FASTKD2: variants seen among roughly 807,000 people sequenced by gnomAD.
FASTKD2 encodes the protein FAST kinase domain-containing protein 2, mitochondrial.
Under a neutral mutation model 63.6 loss-of-function variants are expected in FASTKD2, and 51 were observed. The ratio of observed to expected loss-of-function variants is 0.80; its 90% CI spans 0.64 to 1.01. The LOEUF is 1.01. Ranked by LOEUF, FASTKD2 falls within the 50% of genes least tolerant of loss-of-function variation. FASTKD2 has a pLI of 0.00. For synonymous variants in FASTKD2, 284 were observed against 293.4 expected (o/e 0.97, Z 0.33); for missense variants, 786 against 831.1 (o/e 0.95, Z 0.67).
intron 5 of FASTKD2, 51 bp downstream of exon 5, chr2:206,772,068 G>T: frequency 2.5e-6 from 4 of 1,607,408 alleles, no homozygotes; most frequent in Non-Finnish European, 3.4e-6. Flanking sequence ...TTCTGTTTTA[G>T]ACTATTTTTG....
chr2:206,766,583 A>T (rs1030582122), intron 1 of FASTKD2, 61 bp from the exon 2 acceptor site: 12 of 960,638 alleles, frequency 1.2e-5, no homozygotes, highest in Non-Finnish European at 1.8e-5. Context: ...AATGCATTTC[A>T]TTTCTTTAAG....
chr2:206,767,766 TGAA>T (rs1689565975), intron 2 of FASTKD2, among the ~76,000 whole-genome samples: 3 of 152,146 alleles, frequency 2.0e-5, no homozygotes, highest in South Asian at 4.1e-4. Context: ...CCTGGGTAGT[TGAA>T]GAAGGAGAGA....
intron 7 of FASTKD2, among the ~76,000 whole-genome samples, chr2:206,778,523 A>G (rs1480469666): frequency 6.6e-6 from 1 of 152,080 alleles, no homozygotes; most frequent in East Asian, 1.9e-4. Flanking sequence ...GTCTGATTTC[A>G]GTTTTCCTAA....
intron 2 of FASTKD2, among the ~76,000 whole-genome samples, chr2:206,769,010 G>A (rs910257380): frequency 2.6e-5 from 4 of 152,206 alleles, no homozygotes; most frequent in African/African-American, 7.2e-5. Flanking sequence ...ATTTTGGACA[G>A]ATATTTGCAT....
At chr2:206,766,608 T>C in intron 1 of FASTKD2, 36 bp from the exon 2 acceptor site, 1 of 1,204,234 alleles carries the variant, frequency 8.3e-7, no homozygotes, top group Non-Finnish European at 1.2e-6. Context: ...AGTTTTGTTT[T>C]AATTTTTATT....
intron 7 of FASTKD2, 127 bp downstream of exon 7, chr2:206,774,524 A>T: frequency 1.5e-6 from 1 of 675,982 alleles, no homozygotes; most frequent in Non-Finnish European, 2.5e-6. Context: ...AATAAATAAA[A>T]CATAGTGTTC....
intron 11 of FASTKD2, chr2:206,790,940 G>C: frequency 2.4e-6 from 1 of 416,730 alleles, no homozygotes; most frequent in African/African-American, 2.0e-5. Flanking sequence ...TTTTTGCTAA[G>C]AAGAAGAATG....
intron 7 of FASTKD2, among the ~76,000 whole-genome samples, chr2:206,780,325 T>C (rs1200920431): frequency 1.3e-5 from 2 of 152,218 alleles, no homozygotes; most frequent in African/African-American, 4.8e-5. Flanking sequence ...TTCGTTTGTT[T>C]GGGAGTCTTG....
intron 3 of FASTKD2, among the ~76,000 whole-genome samples, chr2:206,770,603 G>A (rs1295380397): frequency 1.3e-5 from 2 of 151,934 alleles, no homozygotes; most frequent in Non-Finnish European, 2.9e-5. Flanking sequence ...GGTGGTGGGT[G>A]CCTGTAGTCC....
chr2:206,774,706 A>T (rs1017118344), intron 7 of FASTKD2, among the ~76,000 whole-genome samples: 6 of 152,096 alleles, frequency 3.9e-5, no homozygotes, highest in Non-Finnish European at 5.9e-5. Flanking sequence ...TAACTGTATT[A>T]AAAAATGGAG....
intron 7 of FASTKD2, among the ~76,000 whole-genome samples, chr2:206,785,706 T>G (rs1205008473): frequency 6.6e-6 from 1 of 152,196 alleles, no homozygotes; most frequent in Non-Finnish European, 1.5e-5. Flanking sequence ...GCCTTGCTAT[T>G]GCGTATATGA....
At position 206,791,723 on chromosome 2, in the gene FASTKD2, C is replaced by T; in HGVS notation, c.2054C>T (p.Ala685Val). 2 of 1,610,702 alleles carry T rather than the reference C, an allele frequency of 1.2e-6. No individual in the cohort carries two copies. Among genetic ancestry groups the T allele is most frequent in the Non-Finnish European group, 1.7e-6 (2 of 1,177,180 alleles). The change falls in exon 12 of 12, where the codon GCA becomes GTA. Residue 685 changes from alanine (A) to valine (V), a missense_variant. Physicochemically the swap from Ala to Val is moderately conservative, Grantham distance 64. Transcript: ENST00000402774. Reference protein sequence around the residue: ...WEMDKLEMEDAVTFLKTKIYS... With the variant: ...WEMDKLEMEDVVTFLKTKIYS... ...ATGGACAAACTAGAGATGGAAGATG[C>T]AGTCACATTTTTGAAGACTAAAATC...
intron 3 of FASTKD2, 151 bp downstream of exon 3, chr2:206,770,345 A>G (rs1432126749): frequency 1.5e-6 from 1 of 687,920 alleles, no homozygotes; most frequent in Non-Finnish European, 2.7e-6. Context: ...ATACCTTATT[A>G]AGCTTAAAAT....
intron 11 of FASTKD2, chr2:206,791,480 A>G: frequency 1.8e-6 from 1 of 567,688 alleles, no homozygotes; most frequent in South Asian, 2.1e-5. Flanking sequence ...GACCTTTAAA[A>G]TTTGTATAAT....
intron 7 of FASTKD2, among the ~76,000 whole-genome samples, chr2:206,782,113 G>A (rs941494999): frequency 5.3e-5 from 8 of 152,118 alleles, no homozygotes; most frequent in Non-Finnish European, 8.8e-5. Context: ...AGTATTCCAC[G>A]TGAGTTTAGA....
At chr2:206,780,785 C>T (rs1360835879) in intron 7 of FASTKD2, among the ~76,000 whole-genome samples, 1 of 152,022 alleles carries the variant, frequency 6.6e-6, no homozygotes, top group Non-Finnish European at 1.5e-5. Flanking sequence ...CTTAGGCTTT[C>T]TTAACTCTTC....
intron 4 of FASTKD2, 100 bp from the exon 5 acceptor site, chr2:206,771,794 C>A: frequency 1.0e-6 from 1 of 991,200 alleles, no homozygotes; most frequent in Non-Finnish European, 1.5e-6. Context: ...GTTGAGGCTC[C>A]AACCTGGGTG....
In FASTKD2 at chr2:206,794,088, T is replaced by C. The variant is rs1690374421; in HGVS notation, c.*2286T>C. The stretch of plus-strand genomic sequence containing the variant: ...ATTGACATACAGTAAACTGCATATA[T>C]TTAAAGTGTACCGTTAGGTCAGTTT... On this transcript the variant is annotated 3_prime_UTR_variant, in exon 12 of 12. Transcript: ENST00000402774. Among the ~76,000 whole-genome samples, 1 of 152,112 alleles carries C rather than the reference T, an allele frequency of 6.6e-6. No homozygotes were observed. Among genetic ancestry groups the C allele is most frequent in the Non-Finnish European group, 1.5e-5 (1 of 68,024 alleles).
At chr2:206,779,287 G>A (rs940932120) in intron 7 of FASTKD2, among the ~76,000 whole-genome samples, 2 of 152,196 alleles carry the variant, frequency 1.3e-5, no homozygotes, top group Admixed American at 6.5e-5. Context: ...AATCTAAAGC[G>A]AGTATCTTGT....
Sources: allele counts gnomAD v4.1 joint callset (sites outside exome capture counted in the v4.1 genomes callset), GRCh38; gene constraint gnomAD v4.1.1; transcripts MANE v1.5; gene names NCBI Gene and HGNC (gene_info 2026-07-23, HGNC 2026-07-21).